The following SSBP2 variants were observed in gnomAD, a reference collection of about 807,000 sequenced individuals.
SSBP2 encodes the protein single stranded DNA binding protein 2.
SSBP2 carries 17 observed loss-of-function variants against 61.8 expected under a neutral mutation model. The observed-to-expected ratio is 0.28, with a 90% CI of 0.19 to 0.41. The LOEUF is 0.41. Among genes scored for constraint, SSBP2 ranks in the 10% least tolerant of loss-of-function variants. The pLI, the probability that SSBP2 is intolerant of heterozygous loss-of-function variation, is 1.00. For missense variants in SSBP2, 310 were observed against 458.7 expected (o/e 0.68, Z 2.96); for synonymous variants, 139 against 141.3 (o/e 0.98, Z 0.12).
At chr5:81,473,052 T>A (rs1031292871) in intron 8 of SSBP2, among the ~76,000 whole-genome samples, 1 of 152,230 alleles carries the variant, frequency 6.6e-6, no homozygotes, top group Non-Finnish European at 1.5e-5. Flanking sequence ...TAAAGTATGG[T>A]TTGTTGTTAT....
intron 15 of SSBP2, among the ~76,000 whole-genome samples, chr5:81,433,592 TAAA>T (rs532034844): frequency 1.9e-5 from 2 of 104,030 alleles, no homozygotes. Flanking sequence ...GAATGATCAA[TAAA>T]AAAAAAAAAA....
At chr5:81,532,490 C>A (rs988910062) in intron 4 of SSBP2, among the ~76,000 whole-genome samples, 4 of 151,272 alleles carry the variant, frequency 2.6e-5, no homozygotes, top group African/African-American at 9.7e-5. Context: ...AAAATTAATA[C>A]TAAAAAGGAC....
intron 1 of SSBP2, among the ~76,000 whole-genome samples, chr5:81,729,665 CAT>C (rs1013136712): frequency 2.1e-4 from 32 of 152,110 alleles, no homozygotes; most frequent in African/African-American, 6.0e-4. Context: ...ATAAAATGAA[CAT>C]GTTTCATACT....
chr5:81,634,176 A>G (rs966870243), intron 3 of SSBP2, among the ~76,000 whole-genome samples: 4 of 152,194 alleles, frequency 2.6e-5, no homozygotes, highest in Non-Finnish European at 4.4e-5. Context: ...AGCATTTACA[A>G]GCTATTCTCG....
At chr5:81,524,857 T>C (rs948868699) in intron 4 of SSBP2, among the ~76,000 whole-genome samples, 1 of 152,062 alleles carries the variant, frequency 6.6e-6, no homozygotes, top group African/African-American at 2.4e-5. Flanking sequence ...CAGCCAGGCC[T>C]CTAACTCTGC....
chr5:81,413,977 G>A lies in SSBP2; in HGVS notation c.*6527C>T, dbSNP rs1761220440. 6.6e-6 allele frequency: 1 copy of A among 152,026 alleles called. No homozygotes were observed. Among genetic ancestry groups the A allele is most frequent in the Non-Finnish European group, 1.5e-5 (1 of 67,968 alleles). The allele number at this position is 152,026 out of a possible 1,614,324, so 9.4% of individuals were successfully genotyped here. A position where few individuals can be genotyped will look rare whatever the true frequency, so the allele number is the denominator to read the frequency against. ...TGGCAATGTACTGAGGCCATTTGGTGGAAAAAAGAAAGTGGGATTAAGTGT... is the reference window on the plus strand; with the variant it reads ...TGGCAATGTACTGAGGCCATTTGGTAGAAAAAAGAAAGTGGGATTAAGTGT... On this transcript the variant is annotated 3_prime_UTR_variant, in exon 17 of 17. Coordinates refer to ENST00000320672, the MANE Select transcript of SSBP2 (RefSeq NM_012446.5).
intron 2 of SSBP2, among the ~76,000 whole-genome samples, chr5:81,646,143 C>G (rs1470937239): frequency 6.6e-6 from 1 of 152,022 alleles, no homozygotes; most frequent in African/African-American, 2.4e-5. Context: ...GCAACTTCAC[C>G]CAAAAGAACA....
At chr5:81,458,142 G>C (rs970415419) in intron 10 of SSBP2, among the ~76,000 whole-genome samples, 7 of 152,110 alleles carry the variant, frequency 4.6e-5, no homozygotes, top group Non-Finnish European at 1.0e-4. Context: ...ACAAAAACAA[G>C]CTGAGAAACT....
intron 4 of SSBP2, among the ~76,000 whole-genome samples, chr5:81,553,409 C>G (rs1198712666): frequency 1.3e-5 from 2 of 152,116 alleles, no homozygotes; most frequent in Admixed American, 6.6e-5. Flanking sequence ...CTGCACCTCT[C>G]CACACACTAC....
At chr5:81,713,471 G>C (rs1372823571) in intron 1 of SSBP2, among the ~76,000 whole-genome samples, 2 of 152,074 alleles carry the variant, frequency 1.3e-5, no homozygotes, top group African/African-American at 2.4e-5. Context: ...TAAAGAAAAA[G>C]TTTATGTGTT....
At chr5:81,657,742 C>T (rs921750827) in intron 1 of SSBP2, among the ~76,000 whole-genome samples, 25 of 152,094 alleles carry the variant, frequency 1.6e-4, no homozygotes, top group Admixed American at 4.6e-4. Flanking sequence ...AAACAAATAT[C>T]GAAGGTATTC....
intron 4 of SSBP2, among the ~76,000 whole-genome samples, chr5:81,552,801 G>C (rs978840680): frequency 1.5e-4 from 23 of 152,046 alleles, no homozygotes; most frequent in Admixed American, 1.3e-3. Context: ...CTCAAATAGT[G>C]ATAGACTTTT....
Position 81,418,155 on chromosome 5 carries a change from T to A in SSBP2, c.*2349A>T, listed in dbSNP as rs1761396351. The stretch of plus-strand genomic sequence containing the variant: ...ACTGTCAATTTTTATATGATTGTCA[T>A]AAAATATGAAAGTCAAAATTCTTCT... On this transcript the variant is annotated 3_prime_UTR_variant, in exon 17 of 17. Transcript: ENST00000320672. The A allele has an allele frequency of 1.3e-5, 2 of 152,258 alleles. No homozygotes were observed. Among genetic ancestry groups the A allele is most frequent in the Admixed American group, 1.3e-4 (2 of 15,284 alleles). The allele number at this position is 152,258 out of a possible 1,614,324, so 9.4% of individuals were successfully genotyped here.
chr5:81,566,884 C>T (rs1246008422), intron 4 of SSBP2, among the ~76,000 whole-genome samples: 1 of 152,122 alleles, frequency 6.6e-6, no homozygotes, highest in Non-Finnish European at 1.5e-5. Context: ...GCAGCATTTG[C>T]CCTTGCCCTA....
intron 1 of SSBP2, 191 bp downstream of exon 1, chr5:81,750,768 ACAGCCCCCTGCGGCCGCCCGCC>A (rs1305794773): frequency 6.9e-5 from 39 of 568,582 alleles, no homozygotes; most frequent in Non-Finnish European, 1.0e-4. Context: ...CCTCCCGCCG[ACAGCCCCCTGCGGCCGCCCGCC>A]CAGCGCCCGC....
At chr5:81,570,530 A>C (rs1773755108) in intron 4 of SSBP2, among the ~76,000 whole-genome samples, 2 of 152,318 alleles carry the variant, frequency 1.3e-5, no homozygotes, top group East Asian at 3.9e-4. Context: ...CTCTAAGTAC[A>C]GTGACGACCA....
intron 4 of SSBP2, among the ~76,000 whole-genome samples, chr5:81,542,817 T>TTCTCTCTCTTTCTCTCTCTCTCTC: frequency 9.4e-6 from 1 of 106,792 alleles, no homozygotes; most frequent in African/African-American, 4.1e-5. Context: ...ATTTGACAGT[T>TTCTCTCTCTTTCTCTCTCTCTCTC]TCTCTCTCTC....
intron 4 of SSBP2, among the ~76,000 whole-genome samples, chr5:81,538,332 G>C (rs1356862523): frequency 2.0e-5 from 3 of 152,152 alleles, no homozygotes; most frequent in Non-Finnish European, 4.4e-5. Flanking sequence ...AGTGGTAAGA[G>C]AGCAGCAGAC....
At position 81,489,328 on chromosome 5, in the gene SSBP2, T is replaced by C. The variant is rs1554073886; in HGVS notation, c.373-19A>G. On this transcript the variant is annotated intron_variant, in intron 5 of 16. Transcript: ENST00000320672. Reference sequence around the variant, plus strand: ...TAAAAGGCTATTGAAGTAAAACAAATAAACAAACAAAACAAAAAACAGTAC... The same window carrying C: ...TAAAAGGCTATTGAAGTAAAACAAACAAACAAACAAAACAAAAAACAGTAC... 1.9e-6 allele frequency: 3 copies of C among 1,588,688 alleles called. No individual in the cohort carries two copies. The highest frequency in any genetic ancestry group is 2.6e-6 in the Non-Finnish European group (3 of 1,172,034).
Sources: allele counts gnomAD v4.1 joint callset (sites outside exome capture counted in the v4.1 genomes callset), GRCh38; gene constraint gnomAD v4.1.1; transcripts MANE v1.5; gene names NCBI Gene and HGNC (gene_info 2026-07-23, HGNC 2026-07-21).